SH3RF1: variants seen among roughly 807,000 people sequenced by gnomAD.
SH3RF1 encodes the protein E3 ubiquitin-protein ligase SH3RF1.
SH3RF1 carries 32 observed loss-of-function variants against 74.0 expected under a neutral mutation model. The ratio of observed to expected loss-of-function variants is 0.43; its 90% confidence interval spans 0.33 to 0.58. The LOEUF is 0.58. Among genes scored for constraint, SH3RF1 ranks in the 20% least tolerant of loss-of-function variants. The pLI is 0.05. For missense variants in SH3RF1, 954 were observed against 1,130.9 expected (o/e 0.84, Z 2.24); for synonymous variants, 396 against 439.6 (o/e 0.90, Z 1.24).
At chr4:169,228,093 C>G (rs925247933) in intron 2 of SH3RF1, among the ~76,000 whole-genome samples, 5 of 152,186 alleles carry the variant, frequency 3.3e-5, no homozygotes, top group African/African-American at 4.8e-5. Context: ...TTTCCAGGAA[C>G]AGTGAGCAGA....
chr4:169,222,307 T>C (rs1210478052), intron 2 of SH3RF1, among the ~76,000 whole-genome samples: 1 of 151,858 alleles, frequency 6.6e-6, no homozygotes, highest in Non-Finnish European at 1.5e-5. Flanking sequence ...CTACTAAAAA[T>C]ACAAAAAATT....
At chr4:169,144,847 T>C (rs943702741) in intron 4 of SH3RF1, among the ~76,000 whole-genome samples, 1 of 151,872 alleles carries the variant, frequency 6.6e-6, no homozygotes, top group Non-Finnish European at 1.5e-5. Context: ...AAGTCAAGCA[T>C]AAAAGTCATG....
intron 6 of SH3RF1, among the ~76,000 whole-genome samples, chr4:169,122,520 G>T (rs1482762968): frequency 1.3e-5 from 2 of 152,086 alleles, no homozygotes; most frequent in African/African-American, 2.4e-5. Context: ...CCCTTGGGAG[G>T]AGGGAAAGAA....
At chr4:169,234,638 T>C (rs557550397) in intron 2 of SH3RF1, among the ~76,000 whole-genome samples, 1 of 152,334 alleles carries the variant, frequency 6.6e-6, no homozygotes, top group South Asian at 2.1e-4. Flanking sequence ...TGGTAGAAAG[T>C]ACTGCCTGGC....
chr4:169,105,605 A>G (rs527643501), intron 11 of SH3RF1, among the ~76,000 whole-genome samples: 48 of 152,316 alleles, frequency 3.2e-4, no homozygotes, highest in African/African-American at 1.1e-3. Context: ...AGAAGAAGAG[A>G]GTTCTTCGCT....
chr4:169,109,549 G>C (rs371520528), intron 10 of SH3RF1, among the ~76,000 whole-genome samples: 6 of 152,262 alleles, frequency 3.9e-5, no homozygotes, highest in East Asian at 3.9e-4. Context: ...TGCTGTCCTA[G>C]TTCCAAGGAA....
At chr4:169,247,881 C>CAT (rs5863990) in intron 2 of SH3RF1, among the ~76,000 whole-genome samples, 145,603 of 152,220 alleles carry the variant, frequency 0.96, 69,953 homozygotes, top group Non-Finnish European at 1. Context: ...AGCCAACAAA[C>CAT]ATGAAAAAAA....
chr4:169,106,661 G>A (rs985283739), intron 11 of SH3RF1, among the ~76,000 whole-genome samples, 186 bp downstream of exon 11: 2 of 151,976 alleles, frequency 1.3e-5, no homozygotes, highest in African/African-American at 2.4e-5. Context: ...TAAGAAACAC[G>A]GAAGGAAAAA....
chr4:169,112,773 C>CA (rs917991460), intron 10 of SH3RF1, among the ~76,000 whole-genome samples: 1 of 150,784 alleles, frequency 6.6e-6, no homozygotes, highest in African/African-American at 2.4e-5. Context: ...ATGCTAAAGA[C>CA]AAAAAAAAAT....
chr4:169,106,818 G>T, intron 11 of SH3RF1, 29 bp downstream of exon 11: 1 of 1,508,348 alleles, frequency 6.6e-7, no homozygotes, highest in Non-Finnish European at 8.9e-7. Flanking sequence ...TCATTTTTTA[G>T]TTTTTTCCTG....
At chr4:169,269,961 C>T (rs982443855) in intron 1 of SH3RF1, 1 of 152,214 alleles carries the variant, frequency 6.6e-6, no homozygotes, top group African/African-American at 2.4e-5. Flanking sequence ...AACTCTGAAA[C>T]ACATTTCTGA....
At chr4:169,113,875 CA>C (rs1733285911) in intron 10 of SH3RF1, among the ~76,000 whole-genome samples, 1 of 152,166 alleles carries the variant, frequency 6.6e-6, no homozygotes, top group Non-Finnish European at 1.5e-5. Flanking sequence ...AGAAAAGACA[CA>C]AGGGGACACA....
intron 10 of SH3RF1, among the ~76,000 whole-genome samples, chr4:169,110,488 G>A (rs778626976): frequency 1.3e-5 from 2 of 152,276 alleles, no homozygotes; most frequent in African/African-American, 2.4e-5. Context: ...TAATAAGCCA[G>A]GTGCCGTGGT....
At position 169,122,039 on chromosome 4, in the gene SH3RF1, C is replaced by T; in HGVS notation, c.1346+61G>A. On this transcript the variant is annotated intron_variant, in intron 7 of 11. Coordinates refer to ENST00000284637, the MANE Select transcript of SH3RF1 (RefSeq NM_020870.4). ...ATGTCAGAAAGGTGTTTCTTGACCT[C>T]TGAGGTTTGGACTTCGTTTAAATGA... 3.1e-6 allele frequency: 5 copies of T among 1,590,598 alleles called. No individual in the cohort carries two copies. In the South Asian group the frequency reaches 3.4e-5, roughly 11 times the overall value.
At chr4:169,154,503 T>G (rs1421447558) in intron 4 of SH3RF1, among the ~76,000 whole-genome samples, 1 of 152,204 alleles carries the variant, frequency 6.6e-6, no homozygotes, top group Non-Finnish European at 1.5e-5. Flanking sequence ...ATCCGTGCTT[T>G]GATATTTTAA....
chr4:169,209,754 T>C (rs537376722), intron 2 of SH3RF1, among the ~76,000 whole-genome samples: 54 of 152,310 alleles, frequency 3.5e-4, no homozygotes, highest in Middle Eastern at 3.4e-3. Context: ...GTGCAATTCA[T>C]GCCATGCAAT....
At chr4:169,207,965 A>T (rs190753950) in intron 2 of SH3RF1, among the ~76,000 whole-genome samples, 66 of 152,232 alleles carry the variant, frequency 4.3e-4, no homozygotes, top group African/African-American at 1.5e-3. Flanking sequence ...CAAAGAGAGA[A>T]GCAGGGTCCT....
chr4:169,117,508 T>C lies in SH3RF1; in HGVS notation c.1777+15A>G, dbSNP rs1733356359. 1.9e-6 allele frequency: 3 copies of C among 1,612,850 alleles called. No individual in the cohort carries two copies. The highest frequency in any genetic ancestry group is 1.7e-6 in the Non-Finnish European group (2 of 1,178,820). On this transcript the variant is annotated intron_variant, in intron 9 of 11. Transcript: ENST00000284637. ...CCCTTTATCCTGATATGTTCTGGCC[T>C]GGGTTCCTCCTTACCTGTCCTCACA...
intron 2 of SH3RF1, among the ~76,000 whole-genome samples, chr4:169,258,201 G>A (rs1429076789): frequency 6.6e-6 from 1 of 152,176 alleles, no homozygotes; most frequent in Non-Finnish European, 1.5e-5. Context: ...TAGAAAGCAG[G>A]TCTCCTCATT....
Sources: gnomAD v4.1 joint callset for allele counts (sites outside exome capture counted in the v4.1 genomes callset) on GRCh38, gnomAD v4.1.1 for gene constraint, MANE v1.5 for transcripts, NCBI Gene and HGNC (gene_info 2026-07-23, HGNC 2026-07-21) for gene names.